The following FBXL4 variants were observed in gnomAD, a reference collection of about 807,000 sequenced individuals.
The protein encoded by FBXL4 is F-box and leucine rich repeat protein 4.
A neutral mutation model predicts 58.9 loss-of-function variants in FBXL4; 40 were observed. The ratio of observed to expected loss-of-function variants is 0.68; its 90% CI spans 0.53 to 0.88. The LOEUF (loss-of-function observed/expected upper bound fraction) is 0.88, where lower values mean the gene tolerates loss of function less well. FBXL4 is among the 40% of genes least tolerant of loss of function. The probability of loss-of-function intolerance (pLI) is 0.00; values close to 1 mark genes in which losing one functional copy is unlikely to be tolerated. For missense variants in FBXL4, 676 were observed against 734.4 expected (o/e 0.92, Z 0.92); for synonymous variants, 263 against 265.5 (o/e 0.99, Z 0.09).
chr6:98,941,172 T>C (rs746104992), intron 1 of FBXL4, among the ~76,000 whole-genome samples: 4 of 151,952 alleles, frequency 2.6e-5, no homozygotes, highest in Non-Finnish European at 4.4e-5. Flanking sequence ...ACATCTAAGA[T>C]GTCCTTGACA....
intron 5 of FBXL4, among the ~76,000 whole-genome samples, chr6:98,910,888 G>A (rs1260826398): frequency 6.6e-6 from 1 of 152,188 alleles, no homozygotes; most frequent in Non-Finnish European, 1.5e-5. Flanking sequence ...TGCCTCACTT[G>A]GGAAGCACAA....
chr6:98,906,737 G>T (rs1273266676), intron 5 of FBXL4, among the ~76,000 whole-genome samples: 3 of 152,106 alleles, frequency 2.0e-5, no homozygotes, highest in African/African-American at 7.2e-5. Flanking sequence ...GATCCCTGAG[G>T]AATCACCACA....
intron 7 of FBXL4, among the ~76,000 whole-genome samples, chr6:98,884,873 G>A (rs1770980777): frequency 1.3e-5 from 2 of 152,104 alleles, no homozygotes; most frequent in African/African-American, 2.4e-5. Context: ...CCAGCGGTTA[G>A]AGTGGTTTGA....
Position 98,889,871 on chromosome 6 carries a change from T to C in FBXL4, c.1318-9247A>G, listed in dbSNP as rs183004550. 2.2e-4 allele frequency among the ~76,000 whole-genome samples: 33 copies of C among 152,280 alleles called. No homozygotes were observed. In the East Asian group the frequency reaches 3.3e-3, roughly 15 times the overall value. On this transcript the variant is annotated intron_variant, in intron 7 of 9. Coordinates refer to ENST00000369244, the MANE Select transcript of FBXL4 (RefSeq NM_001278716.2). ...TAAAAGGCATTAATTCAAATTTTCA[T>C]TGACAGCTTTTTAAGAAACGTTACC...
chr6:98,909,660 T>C lies in FBXL4; in HGVS notation c.859-3990A>G, dbSNP rs150634943. On this transcript the variant is annotated intron_variant, in intron 5 of 9. Transcript: ENST00000369244. Reference sequence around the variant, plus strand: ...AGCGATTCACTCTCCTCCAGATGAATTGCTCCCACTGCTGCAACAACAGAC... The same window carrying C: ...AGCGATTCACTCTCCTCCAGATGAACTGCTCCCACTGCTGCAACAACAGAC... 3.5e-3 allele frequency among the ~76,000 whole-genome samples: 539 copies of C among 152,324 alleles called. 3 individuals are homozygous for C. The highest frequency in any genetic ancestry group is 0.012 in the African/African-American group (487 of 41,578).
chr6:98,880,657 GGAAAGTGAAT>G, intron 7 of FBXL4, 33 bp from the exon 8 acceptor site: 2 of 1,577,140 alleles, frequency 1.3e-6, no homozygotes, highest in Non-Finnish European at 1.7e-6. Flanking sequence ...AGGCAAATAT[GGAAAGTGAAT>G]GAAAGTGAAA....
chr6:98,936,201 TA>T (rs1344289262), intron 1 of FBXL4, among the ~76,000 whole-genome samples: 1 of 152,218 alleles, frequency 6.6e-6, no homozygotes, highest in East Asian at 1.9e-4. Context: ...TACCCCACTT[TA>T]AGCATATAAT....
At chr6:98,942,596 A>G (rs1381511483) in intron 1 of FBXL4, among the ~76,000 whole-genome samples, 1 of 152,080 alleles carries the variant, frequency 6.6e-6, no homozygotes, top group Non-Finnish European at 1.5e-5. Context: ...GCCTGCCACA[A>G]TGATTGTAAA....
chr6:98,930,685 G>A (rs982339940), intron 2 of FBXL4, among the ~76,000 whole-genome samples: 6 of 152,156 alleles, frequency 3.9e-5, no homozygotes, highest in Non-Finnish European at 7.4e-5. Context: ...GTTCAAGGCT[G>A]AAGTGAGTCA....
rs758395213 is a variant in FBXL4, at chr6:98,899,297, G to A, written c.1288C>T (p.Arg430Ter). ...NHIAKLCSLK[R>*]LVLYRTKVEQ... ...ACTTTTGTTCGATAGAGAACAAGTC[G>A]TTTAAGGCTGCATAACTTGGCAATG... Residue 430 changes from arginine (R) to a stop codon, truncating the protein, a stop_gained, in exon 7 of 10, where the codon CGA becomes TGA. Coordinates refer to ENST00000369244, the MANE Select transcript of FBXL4 (RefSeq NM_001278716.2). LOFTEE classifies it high-confidence loss of function. 1.8e-5 allele frequency: 29 copies of A among 1,613,844 alleles called. No individual in the cohort carries two copies. Among genetic ancestry groups the A allele is most frequent in the Middle Eastern group, 1.6e-4 (1 of 6,076 alleles).
At chr6:98,915,395 C>T (rs1338485096) in intron 5 of FBXL4, among the ~76,000 whole-genome samples, 4 of 152,154 alleles carry the variant, frequency 2.6e-5, no homozygotes, top group Non-Finnish European at 4.4e-5. Flanking sequence ...AAGCTGGAGG[C>T]ATCATGCTAC....
chr6:98,898,729 C>T (rs1301327037), intron 7 of FBXL4: 1 of 983,178 alleles, frequency 1.0e-6, no homozygotes, highest in African/African-American at 1.7e-5. Context: ...GTATAACATA[C>T]ACTATTACAG....
At chr6:98,916,651 C>T (rs914959577) in intron 5 of FBXL4, among the ~76,000 whole-genome samples, 24 of 151,658 alleles carry the variant, frequency 1.6e-4, no homozygotes, top group Non-Finnish European at 2.2e-4. Flanking sequence ...GGGAACATCA[C>T]GCTCTGGGGA....
rs138206466 is a variant in FBXL4, at chr6:98,917,485, A to G, written c.747T>C (p.Asp249=). 15 of 1,613,940 alleles carry G rather than the reference A, an allele frequency of 9.3e-6. No individual in the cohort carries two copies. The African/African-American group carries it at 1.9e-4, about 20-fold the overall frequency. ...SLIDMNDIED[D]AYAEKDGCGM... is the part of the protein sequence containing the mutation. ...CACAACCATCCTTTTCTGCATAGGC[A>G]TCATCTTCTATATCATTCATGTCAA... Residue 249 remains aspartate, a synonymous_variant, in exon 5 of 10, where the codon GAT becomes GAC. Transcript: ENST00000369244.
Position 98,873,648 on chromosome 6 carries a change from C to A in FBXL4, c.*630G>T, listed in dbSNP as rs1265587673. Reference sequence around the variant, plus strand: ...GGAGTGCAGTGGCTGCTCACAGGTGCAATCATAAGTACACTAGAGTCTCAA... The same window carrying A: ...GGAGTGCAGTGGCTGCTCACAGGTGAAATCATAAGTACACTAGAGTCTCAA... On this transcript the variant is annotated 3_prime_UTR_variant, in exon 10 of 10. Transcript: ENST00000369244. 6.6e-6 allele frequency: 1 copy of A among 152,058 alleles called. No individual in the cohort carries two copies. Among genetic ancestry groups the A allele is most frequent in the African/African-American group, 2.4e-5 (1 of 41,378 alleles). 9.4% of individuals were successfully genotyped at this position (152,058 alleles called of 1,614,324 possible). A position where few individuals can be genotyped will look rare whatever the true frequency, so the allele number is the denominator to read the frequency against.
At chr6:98,928,923 T>C (rs1772896197) in intron 2 of FBXL4, among the ~76,000 whole-genome samples, 1 of 152,092 alleles carries the variant, frequency 6.6e-6, no homozygotes, top group Admixed American at 6.5e-5. Flanking sequence ...TCCACATCAG[T>C]AGCCTTACTT....
rs1333382825 is a variant in FBXL4 at position 98,904,876 on chromosome 6, C to T, written c.1103+550G>A. 3.3e-5 allele frequency among the ~76,000 whole-genome samples: 5 copies of T among 152,158 alleles called. No individual in the cohort carries two copies. In the East Asian group the frequency reaches 7.7e-4, roughly 23 times the overall value. Reference sequence around the variant, plus strand: ...CAGGTGACATTTAATAGTAAGGAAACTAAATGCTTAAATAGAAAGGAGCGG... The same window carrying T: ...CAGGTGACATTTAATAGTAAGGAAATTAAATGCTTAAATAGAAAGGAGCGG... On this transcript the variant is annotated intron_variant, in intron 6 of 9. Transcript: ENST00000369244.
chr6:98,917,092 G>T (rs1054346085), intron 5 of FBXL4, among the ~76,000 whole-genome samples: 2 of 152,048 alleles, frequency 1.3e-5, no homozygotes, highest in African/African-American at 2.4e-5. Context: ...AAAGTGGATT[G>T]TTACTTATTA....
chr6:98,930,413 C>T (rs1772970220), intron 2 of FBXL4, among the ~76,000 whole-genome samples: 1 of 152,122 alleles, frequency 6.6e-6, no homozygotes, highest in Non-Finnish European at 1.5e-5. Flanking sequence ...AGAGCCAGAC[C>T]CTGTCTCAAA....
Sources: allele counts gnomAD v4.1 joint callset (sites outside exome capture counted in the v4.1 genomes callset), GRCh38; gene constraint gnomAD v4.1.1; transcripts MANE v1.5; gene names NCBI Gene and HGNC (gene_info 2026-07-23, HGNC 2026-07-21).